WDR36: variants seen among roughly 807,000 people sequenced by gnomAD.
WDR36 encodes the protein WD repeat domain 36.
A neutral mutation model predicts 112.7 loss-of-function variants in WDR36; 63 were observed. The ratio of observed to expected loss-of-function variants is 0.56; its 90% confidence interval spans 0.46 to 0.69. WDR36 has a LOEUF of 0.69. Among genes scored for constraint, WDR36 ranks in the 30% least tolerant of loss-of-function variants. WDR36 has a pLI of 0.00. For missense variants in WDR36, 1,226 were observed against 1,070.3 expected, an observed-to-expected ratio of 1.15 and a Z score of -2.03; for synonymous variants, 410 against 362.2, an observed-to-expected ratio of 1.13 and a Z score of -1.50.
rs199579703 is a variant in WDR36 at position 111,104,138 on chromosome 5, T to G, written c.731-39T>G. 2.7e-3 allele frequency: 4,153 copies of G among 1,562,534 alleles called. 50 individuals are homozygous for G. Among genetic ancestry groups the G allele is most frequent in the South Asian group, 0.02 (1,777 of 88,138 alleles). On this transcript the variant is annotated intron_variant, in intron 7 of 22. Transcript: ENST00000513710. ...GAATTCTTGTTTATTTTGGGGGATCTAGAAGTATTTTTCTTAATGTATTTT... is the reference window on the plus strand; with the variant it reads ...GAATTCTTGTTTATTTTGGGGGATCGAGAAGTATTTTTCTTAATGTATTTT...
intron 19 of WDR36, 126 bp downstream of exon 19, chr5:111,121,267 A>G (rs1753561207): frequency 1.0e-6 from 1 of 954,670 alleles, no homozygotes; most frequent in South Asian, 1.4e-5. Flanking sequence ...GACAGCACTG[A>G]CAATGCTATT....
chr5:111,105,385 A>T (rs1753204074), intron 10 of WDR36, 25 bp downstream of exon 10: 1 of 1,594,228 alleles, frequency 6.3e-7, no homozygotes, highest in African/African-American at 1.3e-5. Flanking sequence ...AGACAAAATA[A>T]GCTGGTCACG....
intron 22 of WDR36, among the ~76,000 whole-genome samples, chr5:111,126,471 A>G (rs1753680753): frequency 6.6e-6 from 1 of 152,148 alleles, no homozygotes; most frequent in Admixed American, 6.6e-5. Flanking sequence ...TGATCTGATT[A>G]TTTAAAAGTA....
chr5:111,113,048 ATATAT>A, intron 15 of WDR36, 21 bp from the exon 16 acceptor site: 18 of 458,022 alleles, frequency 3.9e-5, no homozygotes, highest in East Asian at 6.2e-5. Context: ...ATATATATAT[ATATAT>A]TTTTTTTTTT....
At chr5:111,093,803 TGAG>T (rs1298748922) in intron 1 of WDR36, among the ~76,000 whole-genome samples, 2 of 152,208 alleles carry the variant, frequency 1.3e-5, no homozygotes, top group Non-Finnish European at 2.9e-5. Flanking sequence ...AACCCTGTGG[TGAG>T]GAGAGTAACA....
intron 18 of WDR36, 78 bp downstream of exon 18, chr5:111,120,671 A>C: frequency 8.6e-7 from 1 of 1,156,730 alleles, no homozygotes; most frequent in Non-Finnish European, 1.3e-6. Context: ...ACCAAAGGCA[A>C]AGTTTAGTGC....
intron 20 of WDR36, 79 bp from the exon 21 acceptor site, chr5:111,124,029 G>T: frequency 6.3e-7 from 1 of 1,596,702 alleles, no homozygotes; most frequent in East Asian, 2.2e-5. Flanking sequence ...GTAAATTAAT[G>T]ATAGCTTTTA....
chr5:111,096,997 T>C, intron 2 of WDR36, 82 bp from the exon 3 acceptor site: 1 of 915,206 alleles, frequency 1.1e-6, no homozygotes, highest in Non-Finnish European at 1.8e-6. Context: ...ATTATAGCCA[T>C]GAAAAATGTT....
chr5:111,104,279 C>T lies in WDR36; in HGVS notation c.833C>T (p.Thr278Ile), dbSNP rs1400311747. 2 of 1,612,056 alleles carry T rather than the reference C, an allele frequency of 1.2e-6. No individual in the cohort carries two copies. Among genetic ancestry groups the T allele is most frequent in the Non-Finnish European group, 1.7e-6 (2 of 1,178,634 alleles). Residue 278 changes from threonine to isoleucine, a missense_variant, in exon 8 of 23, where the codon ACA becomes ATA. Transcript: ENST00000513710. ...AACCAAATGAGAAATGCACACTCTA[C>T]AGCAATTGCCGGACTGACATTTCTC... ...LINQMRNAHS[T>I]AIAGLTFLHR...
chr5:111,105,122 G>T (rs990852010), intron 9 of WDR36, among the ~76,000 whole-genome samples, 173 bp from the exon 10 acceptor site: 4 of 151,426 alleles, frequency 2.6e-5, no homozygotes, highest in Non-Finnish European at 4.4e-5. Context: ...TTACTAAATG[G>T]CATTCTATAA....
chr5:111,126,929 A>C lies in WDR36; in HGVS notation c.*46A>C, dbSNP rs772320996. ...AAAGACTTTCATATTAAATGGGTTC[A>C]ATTGAACTCATTTCTTATTTTCCAA... On this transcript the variant is annotated 3_prime_UTR_variant, in exon 23 of 23. Coordinates refer to ENST00000513710, the MANE Select transcript of WDR36 (RefSeq NM_139281.3). 1 of 1,496,948 alleles carries C rather than the reference A, an allele frequency of 6.7e-7. No homozygotes were observed. Among genetic ancestry groups the C allele is most frequent in the Non-Finnish European group, 9.0e-7 (1 of 1,109,488 alleles). The allele number at this position is 1,496,948 out of a possible 1,614,324, so 92.7% of individuals were successfully genotyped here.
In WDR36 at chr5:111,092,550, C is replaced by T. The variant is rs779617487; in HGVS notation, c.94C>T (p.Arg32Trp). 6.2e-7 allele frequency: 1 copy of T among 1,614,200 alleles called. No homozygotes were observed. The highest frequency in any genetic ancestry group is 8.5e-7 in the Non-Finnish European group (1 of 1,180,050). ...CAGCAACGACATTCCACACGTGGTG[C>T]GGTTCAGCGCGCTCAAGCGCCGGTT... ...LFSNDIPHVV[R>W]FSALKRRFYV... is the part of the protein sequence containing the mutation. Residue 32 changes from arginine to tryptophan, a missense_variant, in exon 1 of 23, where the codon CGG becomes TGG. Coordinates refer to ENST00000513710, the MANE Select transcript of WDR36 (RefSeq NM_139281.3).
chr5:111,126,611 C>G, intron 22 of WDR36, 123 bp from the exon 23 acceptor site: 2 of 1,098,854 alleles, frequency 1.8e-6, no homozygotes, highest in Non-Finnish European at 2.7e-6. Flanking sequence ...AGTAATAAAC[C>G]AGCGCTTAAG....
Position 111,128,442 on chromosome 5 carries a change from G to C in WDR36, c.*1559G>C, listed in dbSNP as rs149151603. 192 of 181,492 alleles carry C rather than the reference G, an allele frequency of 1.1e-3. 1 individual carries two copies. The highest frequency in any genetic ancestry group is 8.5e-3 in the Middle Eastern group (4 of 472). 11.2% of individuals were successfully genotyped at this position (181,492 alleles called of 1,614,324 possible). ...ACTTATTAAAGCCACTGACAGAAAT[G>C]TTAATCATGACTTAAGTTCTAATTT... On this transcript the variant is annotated 3_prime_UTR_variant, in exon 23 of 23. Coordinates refer to ENST00000513710, the MANE Select transcript of WDR36 (RefSeq NM_139281.3).
Position 111,129,506 on chromosome 5 carries a change from A to G in WDR36, c.*2623A>G. 1 of 195,204 alleles carries G rather than the reference A, an allele frequency of 5.1e-6. No homozygotes were observed. The allele number at this position is 195,204 out of a possible 1,614,324, so 12.1% of individuals were successfully genotyped here. ...GGACATATTTTTGTATGTTTATTTTAGAACATATAAACATTTGTTAATTTT... is the reference window on the plus strand; with the variant it reads ...GGACATATTTTTGTATGTTTATTTTGGAACATATAAACATTTGTTAATTTT... On this transcript the variant is annotated 3_prime_UTR_variant, in exon 23 of 23. Coordinates refer to ENST00000513710, the MANE Select transcript of WDR36 (RefSeq NM_139281.3).
chr5:111,093,148 T>G (rs1403846882), intron 1 of WDR36, among the ~76,000 whole-genome samples: 1 of 152,212 alleles, frequency 6.6e-6, no homozygotes, highest in Non-Finnish European at 1.5e-5. Flanking sequence ...TTGCAGCCGT[T>G]TCTTTGCAAC....
In WDR36 at chr5:111,129,991, C is replaced by T. The variant is rs1485638721; in HGVS notation, c.*3108C>T. ...TTTCATTATGTGTTAAATTCTTTCA[C>T]TGAGCTCTTCCATATTCCTAGTAAA... On this transcript the variant is annotated 3_prime_UTR_variant, in exon 23 of 23. Transcript: ENST00000513710. 1 of 211,506 alleles carries T rather than the reference C, an allele frequency of 4.7e-6. No homozygotes were observed. Among genetic ancestry groups the T allele is most frequent in the Non-Finnish European group, 9.6e-6 (1 of 104,442 alleles). The allele number at this position is 211,506 out of a possible 1,614,324, so 13.1% of individuals were successfully genotyped here.
Position 111,129,417 on chromosome 5 carries a change from GTAATT to G in WDR36, c.*2540_*2544del, listed in dbSNP as rs1370649615. The stretch of plus-strand genomic sequence containing the variant: ...TAATGACACTTGCTATTGGATTTTT[GTAATT>G]TAATTACTCTGAAAAAATTATTTTG... On this transcript the variant is annotated 3_prime_UTR_variant, in exon 23 of 23. Coordinates refer to ENST00000513710, the MANE Select transcript of WDR36 (RefSeq NM_139281.3). The G allele has an allele frequency of 2.6e-5, 5 of 192,808 alleles. No individual in the cohort carries two copies. The highest frequency in any genetic ancestry group is 1.2e-4 in the African/African-American group (5 of 43,046). 11.9% of individuals were successfully genotyped at this position (192,808 alleles called of 1,614,324 possible).
chr5:111,124,723 A>T (rs547885868), intron 21 of WDR36, among the ~76,000 whole-genome samples: 94 of 152,318 alleles, frequency 6.2e-4, no homozygotes, highest in Non-Finnish European at 1.2e-3. Context: ...TCATTTAAAA[A>T]ACTGTAGTCA....
Sources: gnomAD v4.1 joint callset for allele counts (sites outside exome capture counted in the v4.1 genomes callset) on GRCh38, gnomAD v4.1.1 for gene constraint, MANE v1.5 for transcripts, NCBI Gene and HGNC (gene_info 2026-07-23, HGNC 2026-07-21) for gene names.